The following CREB5 variants were observed in gnomAD, a reference collection of about 807,000 sequenced individuals.
CREB5 encodes the protein cyclic AMP-responsive element-binding protein 5.
CREB5 carries 19 observed loss-of-function variants against 57.1 expected under a neutral mutation model. The ratio of observed to expected loss-of-function variants is 0.33; its 90% confidence interval spans 0.23 to 0.49. CREB5 has a LOEUF of 0.49. CREB5 is among the 20% of genes least tolerant of loss of function. CREB5 has a pLI of 0.99. For missense variants in CREB5, 579 were observed against 671.6 expected (o/e 0.86, Z 1.52); for synonymous variants, 238 against 238.3 (o/e 1.00, Z 0.01).
intron 5 of CREB5, among the ~76,000 whole-genome samples, chr7:28,695,716 T>C (rs1452573750): frequency 6.6e-6 from 1 of 152,104 alleles, no homozygotes; most frequent in East Asian, 1.9e-4. Flanking sequence ...CTACACTGAG[T>C]GCATGTCTGA....
chr7:28,345,273 CTT>C (rs58373526), intron 1 of CREB5, among the ~76,000 whole-genome samples: 4,609 of 148,534 alleles, frequency 0.031, 130 homozygotes, highest in Admixed American at 0.07. Context: ...CAAAACAAGT[CTT>C]TTTTTTTTTT....
chr7:28,702,804 G>T (rs1185408813), intron 5 of CREB5, among the ~76,000 whole-genome samples: 1 of 152,096 alleles, frequency 6.6e-6, no homozygotes, highest in Non-Finnish European at 1.5e-5. Context: ...TTAATTTGGG[G>T]GTCAAAGAAA....
chr7:28,518,138 A>G (rs1793054859), intron 4 of CREB5, among the ~76,000 whole-genome samples: 2 of 152,138 alleles, frequency 1.3e-5, no homozygotes, highest in East Asian at 1.9e-4. Context: ...GGCTGCAGCC[A>G]GCGGAGCCCT....
chr7:28,791,661 T>G (rs1236697331), intron 7 of CREB5, among the ~76,000 whole-genome samples: 1 of 152,238 alleles, frequency 6.6e-6, no homozygotes, highest in African/African-American at 2.4e-5. Context: ...GAGCAGTTGC[T>G]TAAAAGAAAT....
intron 1 of CREB5, among the ~76,000 whole-genome samples, chr7:28,465,719 T>C (rs1204170888): frequency 6.6e-6 from 1 of 152,160 alleles, no homozygotes; most frequent in Non-Finnish European, 1.5e-5. Flanking sequence ...ATTAAATTAG[T>C]GTTTGGAAAA....
intron 7 of CREB5, among the ~76,000 whole-genome samples, chr7:28,764,709 CA>C (rs1271055774): frequency 3.3e-5 from 5 of 152,318 alleles, no homozygotes; most frequent in African/African-American, 4.8e-5. Context: ...GATTGACTAT[CA>C]GATTTTTTAA....
chr7:28,811,856 G>T (rs1052437728), intron 9 of CREB5, among the ~76,000 whole-genome samples: 1 of 152,108 alleles, frequency 6.6e-6, no homozygotes, highest in Non-Finnish European at 1.5e-5. Flanking sequence ...AAATATTACC[G>T]CAGTGGTTCT....
intron 1 of CREB5, among the ~76,000 whole-genome samples, chr7:28,316,263 A>G (rs1399025139): frequency 6.6e-6 from 1 of 152,124 alleles, no homozygotes; most frequent in Admixed American, 6.6e-5. Context: ...TAAATCTGTC[A>G]GTGGGTGATT....
chr7:28,607,254 A>C (rs1797171282), intron 5 of CREB5, among the ~76,000 whole-genome samples: 1 of 152,182 alleles, frequency 6.6e-6, no homozygotes, highest in Admixed American at 6.5e-5. Context: ...ATATTCAAGA[A>C]ATCTGAGCTT....
intron 4 of CREB5, among the ~76,000 whole-genome samples, chr7:28,553,386 A>G (rs1328718548): frequency 2.6e-5 from 4 of 152,226 alleles, no homozygotes; most frequent in Admixed American, 2.6e-4. Flanking sequence ...CTGGCATGTA[A>G]TCTTTCATTA....
chr7:28,345,151 A>G (rs13240199), intron 1 of CREB5, among the ~76,000 whole-genome samples: 2 of 152,212 alleles, frequency 1.3e-5, no homozygotes, highest in African/African-American at 4.8e-5. Flanking sequence ...TACACTTTAG[A>G]CAAAATAGAC....
At chr7:28,503,540 TG>T (rs1266508825) in intron 3 of CREB5, among the ~76,000 whole-genome samples, 2 of 151,986 alleles carry the variant, frequency 1.3e-5, no homozygotes, top group African/African-American at 2.4e-5. Flanking sequence ...ATTTAGAAAT[TG>T]AGGGCCATGA....
intron 5 of CREB5, among the ~76,000 whole-genome samples, chr7:28,669,959 A>G (rs906059918): frequency 7.9e-5 from 12 of 152,286 alleles, no homozygotes; most frequent in African/African-American, 1.9e-4. Flanking sequence ...TTCTGTACCA[A>G]TTCTCCTGCT....
chr7:28,566,115 G>A (rs968539023), intron 4 of CREB5, among the ~76,000 whole-genome samples: 1 of 152,242 alleles, frequency 6.6e-6, no homozygotes, highest in Admixed American at 6.5e-5. Flanking sequence ...CCCCTAAAAT[G>A]TGGTGGCCAA....
chr7:28,585,894 A>G (rs1322282495), intron 5 of CREB5, among the ~76,000 whole-genome samples: 2 of 152,174 alleles, frequency 1.3e-5, no homozygotes, highest in Non-Finnish European at 2.9e-5. Context: ...AACATTTGAA[A>G]ATTTAATACT....
intron 5 of CREB5, 121 bp from the exon 6 acceptor site, chr7:28,718,632 C>G: frequency 7.6e-7 from 1 of 1,318,876 alleles, no homozygotes; most frequent in Non-Finnish European, 1.0e-6. Flanking sequence ...TTATGTGACT[C>G]TCCCATCAGT....
chr7:28,507,357 T>C (rs1792520424), intron 3 of CREB5, among the ~76,000 whole-genome samples: 1 of 151,750 alleles, frequency 6.6e-6, no homozygotes, highest in Admixed American at 6.6e-5. Context: ...AAGTGGAGAG[T>C]GAGATCTCCT....
At chr7:28,737,297 G>A (rs1009363966) in intron 7 of CREB5, among the ~76,000 whole-genome samples, 2 of 151,628 alleles carry the variant, frequency 1.3e-5, no homozygotes, top group Non-Finnish European at 2.9e-5. Context: ...TGCTGTTGTT[G>A]TTCTTTTTAA....
intron 4 of CREB5, among the ~76,000 whole-genome samples, chr7:28,558,007 T>G (rs1419150365): frequency 2.0e-5 from 3 of 152,226 alleles, no homozygotes; most frequent in African/African-American, 7.2e-5. Context: ...GCTTTCAATA[T>G]TCAGACAGGA....
Sources: allele counts gnomAD v4.1 joint callset (sites outside exome capture counted in the v4.1 genomes callset), GRCh38; gene constraint gnomAD v4.1.1; transcripts MANE v1.5; gene names NCBI Gene and HGNC (gene_info 2026-07-23, HGNC 2026-07-21).